The following TOP1 variants were observed in gnomAD, a reference collection of about 807,000 sequenced individuals.
TOP1 encodes the protein DNA topoisomerase I.
A neutral mutation model predicts 111.1 loss-of-function variants in TOP1; 10 were observed. The observed-to-expected ratio is 0.09, with a 90% CI of 0.06 to 0.15. The LOEUF (loss-of-function observed/expected upper bound fraction) is 0.15. TOP1 is among the 10% of genes least tolerant of loss of function. The pLI is 1.00. For missense variants in TOP1, 474 were observed against 926.7 expected, an observed-to-expected ratio of 0.51 and a Z score of 6.34; for synonymous variants, 271 against 302.9, an observed-to-expected ratio of 0.89 and a Z score of 1.10.
Position 41,082,252 on chromosome 20 carries a change from A to G in TOP1, c.507+1012A>G, listed in dbSNP as rs549125053. ...GCAGGGAGTCTTAAGAGGATAATCT[A>G]TCATAATAGAATGATGTTAATAATC... is the stretch of plus-strand genomic sequence containing the variant. On this transcript the variant is annotated intron_variant, in intron 7 of 20. Coordinates refer to ENST00000361337, the MANE Select transcript of TOP1 (RefSeq NM_003286.4). The surrounding 1 kb of genome is among the most constrained non-coding windows in gnomAD (Gnocchi z 4.1). Among the ~76,000 whole-genome samples, 2 of 152,352 alleles carry G rather than the reference A, an allele frequency of 1.3e-5. No individual in the cohort carries two copies. Among genetic ancestry groups the G allele is most frequent in the East Asian group, 1.9e-4 (1 of 5,190 alleles).
At chr20:41,103,807 C>G (rs2034102199) in intron 13 of TOP1, among the ~76,000 whole-genome samples, 1 of 152,014 alleles carries the variant, frequency 6.6e-6, no homozygotes, top group Non-Finnish European at 1.5e-5. Context: ...ACCCATTCTC[C>G]TATTCTTTCC....
chr20:41,090,804 C>G (rs1017561513), intron 8 of TOP1, among the ~76,000 whole-genome samples: 2 of 152,206 alleles, frequency 1.3e-5, no homozygotes, highest in African/African-American at 4.8e-5. Flanking sequence ...CTCTGCCCAG[C>G]TGCAATTCAT....
chr20:41,035,224 T>C (rs922612869), intron 2 of TOP1, among the ~76,000 whole-genome samples: 37 of 152,160 alleles, frequency 2.4e-4, no homozygotes, highest in Admixed American at 7.2e-4. Flanking sequence ...TCATTTGTTG[T>C]CTTAAGCTTC....
intron 2 of TOP1, among the ~76,000 whole-genome samples, chr20:41,042,335 G>C (rs1477792279): frequency 6.6e-6 from 1 of 152,240 alleles, no homozygotes; most frequent in Admixed American, 6.5e-5. Flanking sequence ...AGCAGATATA[G>C]TTAACTGCCT....
At chr20:41,035,506 A>C (rs1030364327) in intron 2 of TOP1, among the ~76,000 whole-genome samples, 2 of 152,192 alleles carry the variant, frequency 1.3e-5, no homozygotes, top group African/African-American at 4.8e-5. Context: ...GGGACTTCAG[A>C]TCTCCTGTAT....
chr20:41,098,749 C>T lies in TOP1; in HGVS notation c.975+412C>T, dbSNP rs1568697045. 6.5e-6 allele frequency: 1 copy of T among 152,856 alleles called. No homozygotes were observed. Among genetic ancestry groups the T allele is most frequent in the Non-Finnish European group, 1.5e-5 (1 of 68,598 alleles). The allele number at this position is 152,856 out of a possible 1,614,324, so 9.5% of individuals were successfully genotyped here. Reference sequence around the variant, plus strand: ...TGTGATGCTCATCCATCTCCATCTTCCAGCCTTGGCCATCCTCATTACTGA... The same window carrying T: ...TGTGATGCTCATCCATCTCCATCTTTCAGCCTTGGCCATCCTCATTACTGA... On this transcript the variant is annotated intron_variant, in intron 11 of 20. Transcript: ENST00000361337. The surrounding 1 kb of genome is among the most constrained non-coding windows in gnomAD (Gnocchi z 5.7).
chr20:41,073,376 A>G, intron 3 of TOP1: 2 of 772,650 alleles, frequency 2.6e-6, no homozygotes, highest in Non-Finnish European at 3.1e-6. Flanking sequence ...AAGACAATGA[A>G]AAAAAAAAAA....
In TOP1 at chr20:41,115,175, T is replaced by C. The variant is rs988036202; in HGVS notation, c.1639-196T>C. ...AATTATGTATATATATCTGTAAATATACACATGGAGAGAGTGAGCATACAT... is the reference window on the plus strand; with the variant it reads ...AATTATGTATATATATCTGTAAATACACACATGGAGAGAGTGAGCATACAT... On this transcript the variant is annotated intron_variant, in intron 15 of 20. Transcript: ENST00000361337. The surrounding 1 kb of genome is among the most constrained non-coding windows in gnomAD (Gnocchi z 6.3). Among the ~76,000 whole-genome samples, 1 of 152,106 alleles carries C rather than the reference T, an allele frequency of 6.6e-6. No homozygotes were observed. The highest frequency in any genetic ancestry group is 2.4e-5 in the African/African-American group (1 of 41,408).
chr20:41,063,985 G>A (rs192686707), intron 3 of TOP1, among the ~76,000 whole-genome samples: 118 of 151,602 alleles, frequency 7.8e-4, no homozygotes, highest in African/African-American at 2.8e-3. Flanking sequence ...ATCTTTGCTC[G>A]TTCCTATGTC....
At chr20:41,084,941 A>G (rs2033829869) in intron 8 of TOP1, among the ~76,000 whole-genome samples, 1 of 152,174 alleles carries the variant, frequency 6.6e-6, no homozygotes, top group Admixed American at 6.5e-5. Context: ...CCTCAACAAG[A>G]AAACGTGGGT....
Position 41,092,727 on chromosome 20 carries a change from A to C in TOP1, c.730+140A>C. On this transcript the variant is annotated intron_variant, in intron 9 of 20. Coordinates refer to ENST00000361337, the MANE Select transcript of TOP1 (RefSeq NM_003286.4). The surrounding 1 kb of genome is among the most constrained non-coding windows in gnomAD (Gnocchi z 4.3). ...TTTTATTGCCATGCAATTTTGAGGA[A>C]GGGGCATCAGGTGTTAACTCTTAAA... 3.7e-6 allele frequency: 2 copies of C among 546,140 alleles called. No individual in the cohort carries two copies. Among genetic ancestry groups the C allele is most frequent in the Non-Finnish European group, 6.4e-6 (2 of 310,314 alleles). 33.8% of individuals were successfully genotyped at this position (546,140 alleles called of 1,614,324 possible). A position where few individuals can be genotyped will look rare whatever the true frequency, so the allele number is the denominator to read the frequency against.
At position 41,092,617 on chromosome 20, in the gene TOP1, G is replaced by T. The variant is rs1242626368; in HGVS notation, c.730+30G>T. On this transcript the variant is annotated intron_variant, in intron 9 of 20. Coordinates refer to ENST00000361337, the MANE Select transcript of TOP1 (RefSeq NM_003286.4). The surrounding 1 kb of genome is among the most constrained non-coding windows in gnomAD (Gnocchi z 4.3). ...GTTGTTTCAAGGTTCTTGATTCTTG[G>T]CCAGGAAAAGAAATCTGCTTCTATT... 5.3e-6 allele frequency: 6 copies of T among 1,125,984 alleles called. No individual in the cohort carries two copies. The highest frequency in any genetic ancestry group is 1.4e-5 in the South Asian group (1 of 71,286). The allele number at this position is 1,125,984 out of a possible 1,614,324, so 69.7% of individuals were successfully genotyped here.
Position 41,114,283 on chromosome 20 carries a change from A to G in TOP1, c.1638+128A>G. 1 of 763,276 alleles carries G rather than the reference A, an allele frequency of 1.3e-6. No homozygotes were observed. The highest frequency in any genetic ancestry group is 2.2e-6 in the Non-Finnish European group (1 of 461,390). 47.3% of individuals were successfully genotyped at this position (763,276 alleles called of 1,614,324 possible). ...AGTGACTTGAGACAGGCAACATGGC[A>G]CATGCCTGTAGACCCAGCTATTCAG... On this transcript the variant is annotated intron_variant, in intron 15 of 20. Coordinates refer to ENST00000361337, the MANE Select transcript of TOP1 (RefSeq NM_003286.4). This position sits in a 1 kb window ranked among gnomAD's most constrained non-coding sequence, Gnocchi z 4.5.
At chr20:41,039,014 T>A (rs1417486478) in intron 2 of TOP1, among the ~76,000 whole-genome samples, 1 of 151,900 alleles carries the variant, frequency 6.6e-6, no homozygotes, top group East Asian at 1.9e-4. Context: ...AAAATCATCA[T>A]CATCTTTGGC....
chr20:41,066,282 A>G (rs2033605868), intron 3 of TOP1, among the ~76,000 whole-genome samples: 1 of 150,746 alleles, frequency 6.6e-6, no homozygotes, highest in African/African-American at 2.4e-5. Flanking sequence ...TGATTTTTTT[A>G]GAAGAAATCC....
rs2033967715 is a variant in TOP1 at position 41,095,264 on chromosome 20, G to A, written c.731-1956G>A. On this transcript the variant is annotated intron_variant, in intron 9 of 20. Coordinates refer to ENST00000361337, the MANE Select transcript of TOP1 (RefSeq NM_003286.4). This position sits in a 1 kb window ranked among gnomAD's most constrained non-coding sequence, Gnocchi z 4.6. ...GGGTTTTACCATGTTGGTCAAGCTGGTCTGGAACTCCTGACCTGAAGTGAT... is the reference window on the plus strand; with the variant it reads ...GGGTTTTACCATGTTGGTCAAGCTGATCTGGAACTCCTGACCTGAAGTGAT... 6.6e-6 allele frequency among the ~76,000 whole-genome samples: 1 copy of A among 152,106 alleles called. No homozygotes were observed.
intron 2 of TOP1, among the ~76,000 whole-genome samples, chr20:41,059,894 A>G (rs1186769978): frequency 6.6e-6 from 1 of 152,232 alleles, no homozygotes; most frequent in Non-Finnish European, 1.5e-5. Flanking sequence ...CAAAGAAGGT[A>G]TATGAGAGGC....
intron 2 of TOP1, among the ~76,000 whole-genome samples, chr20:41,039,862 G>A (rs1273461933): frequency 6.6e-6 from 1 of 152,026 alleles, no homozygotes; most frequent in East Asian, 1.9e-4. Context: ...AGCCGAGATT[G>A]CGCCACTGCA....
chr20:41,050,167 TCAC>T (rs2033386466), intron 2 of TOP1, among the ~76,000 whole-genome samples: 1 of 152,092 alleles, frequency 6.6e-6, no homozygotes. Flanking sequence ...CAGGTGTGCA[TCAC>T]CATGCCCGGC....
Sources: allele counts gnomAD v4.1 joint callset (sites outside exome capture counted in the v4.1 genomes callset), GRCh38; gene constraint gnomAD v4.1.1; non-coding constraint Gnocchi (gnomAD v3.1); transcripts MANE v1.5; gene names NCBI Gene and HGNC (gene_info 2026-07-23, HGNC 2026-07-21).